Variants in NBEA observed in about 807,000 individuals in gnomAD.
NBEA encodes neurobeachin.
NBEA carries 44 observed loss-of-function variants against 343.4 expected under a neutral mutation model. That is an observed-to-expected ratio of 0.13 (90% CI 0.10 to 0.16). The LOEUF (loss-of-function observed/expected upper bound fraction) is 0.16. NBEA is among the 10% of genes least tolerant of loss of function. The pLI, the probability that NBEA is intolerant of heterozygous loss-of-function variation, is 1.00. For synonymous variants in NBEA, 1,175 were observed against 1,238.7 expected (o/e 0.95, Z 1.08); for missense variants, 2,555 against 3,631.3 (o/e 0.70, Z 7.62).
At chr13:35,237,125 C>A (rs1483078052) in intron 34 of NBEA, among the ~76,000 whole-genome samples, 2 of 152,076 alleles carry the variant, frequency 1.3e-5, no homozygotes, top group African/African-American at 2.4e-5. Flanking sequence ...GGCCTGGTGA[C>A]ATGTGCCTAT....
At chr13:35,127,164 A>G (rs2067178241) in intron 17 of NBEA, among the ~76,000 whole-genome samples, 1 of 152,152 alleles carries the variant, frequency 6.6e-6, no homozygotes, top group Non-Finnish European at 1.5e-5. Context: ...TGCACAAATA[A>G]GGAGAAAAAT....
chr13:35,578,711 A>G (rs1421894848), intron 45 of NBEA, among the ~76,000 whole-genome samples: 1 of 152,170 alleles, frequency 6.6e-6, no homozygotes, highest in Non-Finnish European at 1.5e-5. Flanking sequence ...AGCAGTTGTA[A>G]TAGCAGTAGT....
At chr13:35,441,212 T>C (rs2045720403) in intron 39 of NBEA, among the ~76,000 whole-genome samples, 1 of 152,206 alleles carries the variant, frequency 6.6e-6, no homozygotes, top group South Asian at 2.1e-4. Flanking sequence ...CATTGGACTT[T>C]GTGATATACT....
intron 18 of NBEA, among the ~76,000 whole-genome samples, chr13:35,153,922 G>GT (rs1203927700): frequency 6.6e-6 from 1 of 152,070 alleles, no homozygotes; most frequent in Non-Finnish European, 1.5e-5. Context: ...CTACTTATAC[G>GT]TATATACCAA....
chr13:35,330,369 T>C (rs74048996), intron 36 of NBEA, among the ~76,000 whole-genome samples: 6,305 of 152,140 alleles, frequency 0.041, 152 homozygotes, highest in South Asian at 0.078. Context: ...AGCTGGATTT[T>C]GAAGGCTCTG....
chr13:35,570,274 T>C (rs943744629), intron 45 of NBEA, among the ~76,000 whole-genome samples: 1 of 152,228 alleles, frequency 6.6e-6, no homozygotes, highest in African/African-American at 2.4e-5. Context: ...GACCTTGTGA[T>C]CTACCCACCT....
intron 1 of NBEA, among the ~76,000 whole-genome samples, chr13:34,947,919 A>G (rs1049450084): frequency 1.3e-5 from 2 of 152,228 alleles, no homozygotes; most frequent in African/African-American, 2.4e-5. Flanking sequence ...CTGTGTAGGC[A>G]TTACTGCATA....
intron 1 of NBEA, among the ~76,000 whole-genome samples, chr13:34,961,806 G>A (rs2059670419): frequency 6.6e-6 from 1 of 151,984 alleles, no homozygotes; most frequent in African/African-American, 2.4e-5. Context: ...TGAAGCTTGA[G>A]TTGAGTTTTG....
At chr13:35,617,021 A>C (rs1271393886) in intron 48 of NBEA, among the ~76,000 whole-genome samples, 2 of 152,236 alleles carry the variant, frequency 1.3e-5, no homozygotes, top group African/African-American at 4.8e-5. Flanking sequence ...CTGTTCCTCA[A>C]ATATTTACTC....
At chr13:35,555,381 G>A (rs1398432008) in intron 44 of NBEA, among the ~76,000 whole-genome samples, 1 of 152,072 alleles carries the variant, frequency 6.6e-6, no homozygotes, top group African/African-American at 2.4e-5. Flanking sequence ...CATTGCCAGA[G>A]TGTCTGGAAA....
chr13:35,575,579 A>G (rs557071484), intron 45 of NBEA, among the ~76,000 whole-genome samples: 1 of 152,300 alleles, frequency 6.6e-6, no homozygotes, highest in South Asian at 2.1e-4. Context: ...TTTAGCTTTT[A>G]TTGGTTTACT....
intron 41 of NBEA, among the ~76,000 whole-genome samples, chr13:35,523,795 C>A (rs758554154): frequency 6.6e-6 from 1 of 151,982 alleles, no homozygotes; most frequent in South Asian, 2.1e-4. Flanking sequence ...TTCTGAGAAC[C>A]AGTTTTTAGA....
At chr13:34,961,058 C>G (rs1356616420) in intron 1 of NBEA, among the ~76,000 whole-genome samples, 1 of 151,970 alleles carries the variant, frequency 6.6e-6, no homozygotes, top group African/African-American at 2.4e-5. Context: ...ACATTTACAA[C>G]AGAGATTTGA....
chr13:34,991,974 G>GT (rs75151092), intron 1 of NBEA, among the ~76,000 whole-genome samples: 164 of 134,500 alleles, frequency 1.2e-3, no homozygotes, highest in South Asian at 4.2e-3. Context: ...TCTTATGGTT[G>GT]TTTTTTTTTT....
intron 17 of NBEA, among the ~76,000 whole-genome samples, chr13:35,130,624 AT>A (rs1300835293): frequency 1.3e-5 from 2 of 151,980 alleles, no homozygotes; most frequent in Non-Finnish European, 2.9e-5. Flanking sequence ...ATTTTAACAT[AT>A]TTTTTTCCTT....
At chr13:35,318,760 A>G (rs892216455) in intron 36 of NBEA, among the ~76,000 whole-genome samples, 2 of 152,124 alleles carry the variant, frequency 1.3e-5, no homozygotes, top group Non-Finnish European at 2.9e-5. Flanking sequence ...TTGGTAGGCT[A>G]TTACGGCTTC....
intron 41 of NBEA, among the ~76,000 whole-genome samples, chr13:35,496,752 A>G (rs2076697171): frequency 6.6e-6 from 1 of 151,946 alleles, no homozygotes; most frequent in Admixed American, 6.6e-5. Flanking sequence ...TTTCTCAAAA[A>G]GTCAAGGAGA....
chr13:35,200,181 C>T (rs2072917843), intron 31 of NBEA, among the ~76,000 whole-genome samples: 1 of 151,972 alleles, frequency 6.6e-6, no homozygotes, highest in Non-Finnish European at 1.5e-5. Flanking sequence ...TCTAACAATA[C>T]TATCTCTTTA....
At chr13:35,558,976 C>T (rs1370797867) in intron 44 of NBEA, among the ~76,000 whole-genome samples, 1 of 151,898 alleles carries the variant, frequency 6.6e-6, no homozygotes, top group Non-Finnish European at 1.5e-5. Context: ...CAAAATAAAC[C>T]GTAATAAGTA....
Sources: gnomAD v4.1 joint callset for allele counts (sites outside exome capture counted in the v4.1 genomes callset) on GRCh38, gnomAD v4.1.1 for gene constraint, MANE v1.5 for transcripts, NCBI Gene and HGNC (gene_info 2026-07-23, HGNC 2026-07-21) for gene names.